The following CDKN2B-AS1 variants were observed in gnomAD, a reference collection of about 807,000 sequenced individuals.
The protein encoded by CDKN2B-AS1 is CDKN2B antisense RNA 1 (non-protein coding).
At chr9:22,119,167 C>A (rs72654269) in intron 4 of CDKN2B-AS1, 22 of 151,006 alleles carry the variant, frequency 1.5e-4, no homozygotes, top group Admixed American at 3.3e-4. Context: ...ATTGTGAGGC[C>A]CAAGTGCAAT....
rs146692729 is a variant in CDKN2B-AS1, at chr9:22,012,213, G to A, written n.29+17052G>A. The A allele has an allele frequency of 2.1e-5, 29 of 1,408,302 alleles. No homozygotes were observed. In the African/African-American group the frequency reaches 3.0e-4, roughly 14 times the overall value. The allele number at this position is 1,408,302 out of a possible 1,614,324, so 87.2% of individuals were successfully genotyped here. On this transcript the variant is annotated intron_variant and non_coding_transcript_variant, in intron 1 of 4. Coordinates refer to ENST00000650946, the Ensembl canonical transcript of CDKN2B-AS1. Reference sequence around the variant, plus strand: ...ACCATCACCCTTGAGGTCGAGCCCAGTGACACCATTGAGAATGTCAGTGCG... The same window carrying A: ...ACCATCACCCTTGAGGTCGAGCCCAATGACACCATTGAGAATGTCAGTGCG...
intron 4 of CDKN2B-AS1, among the ~76,000 whole-genome samples, chr9:22,068,719 A>G (rs1052244692): frequency 2.0e-5 from 3 of 152,192 alleles, no homozygotes; most frequent in African/African-American, 7.2e-5. Context: ...TTCTGAATCT[A>G]TTTGTTTGTT....
chr9:22,123,875 A>G (rs192464282), intron 4 of CDKN2B-AS1, among the ~76,000 whole-genome samples: 8 of 152,314 alleles, frequency 5.3e-5, no homozygotes, highest in Non-Finnish European at 8.8e-5. Flanking sequence ...GGAAAGGACT[A>G]TTTTTGCAAT....
intron 4 of CDKN2B-AS1, among the ~76,000 whole-genome samples, chr9:22,068,212 A>T (rs1451559416): frequency 6.6e-6 from 1 of 152,186 alleles, no homozygotes; most frequent in Non-Finnish European, 1.5e-5. Context: ...ACAACTCCAC[A>T]TACATACATC....
chr9:22,022,064 T>C (rs942922827), intron 1 of CDKN2B-AS1, among the ~76,000 whole-genome samples: 1 of 152,200 alleles, frequency 6.6e-6, no homozygotes, highest in Non-Finnish European at 1.5e-5. Flanking sequence ...TGAGGAGTGT[T>C]TTAATTCCAA....
At position 21,995,282 on chromosome 9, in the gene CDKN2B-AS1, T is replaced by A. The variant is rs940346959; in HGVS notation, n.29+121T>A. The A allele has an allele frequency of 6.6e-6, 1 of 152,216 alleles. No homozygotes were observed. Among genetic ancestry groups the A allele is most frequent in the African/African-American group, 2.4e-5 (1 of 41,456 alleles). The allele number at this position is 152,216 out of a possible 1,614,324, so 9.4% of individuals were successfully genotyped here. ...ACCGAGTCCTTTGTGTCTAGCCCAT[T>A]TTTATTTTCGGTTTTAACCTTCACG... On this transcript the variant is annotated intron_variant and non_coding_transcript_variant, in intron 1 of 4. Transcript: ENST00000650946. This position sits in a 1 kb window ranked among gnomAD's most constrained non-coding sequence, Gnocchi z 5.7.
At chr9:22,011,573 T>G (rs1318983135) in intron 1 of CDKN2B-AS1, among the ~76,000 whole-genome samples, 1 of 151,924 alleles carries the variant, frequency 6.6e-6, no homozygotes, top group Admixed American at 6.6e-5. Context: ...CTACATAGTG[T>G]TTTTTTTAGC....
In CDKN2B-AS1 at chr9:22,005,935, G is replaced by A. The variant is rs368728826; in HGVS notation, n.29+10774G>A. ...TTCATCGAATTAGGTGGGTGGGGGT[G>A]GGAAATTGGGTAAGAAAATAAAGTC... is the stretch of plus-strand genomic sequence containing the variant. On this transcript the variant is annotated intron_variant and non_coding_transcript_variant, in intron 1 of 4. Transcript: ENST00000650946. This position sits in a 1 kb window ranked among gnomAD's most constrained non-coding sequence, Gnocchi z 4.9. 4.4e-5 allele frequency: 70 copies of A among 1,591,864 alleles called. 3 individuals are homozygous for A. The African/African-American group carries it at 5.9e-4, about 13-fold the overall frequency.
intron 1 of CDKN2B-AS1, chr9:22,012,644 A>C: frequency 5.5e-6 from 2 of 363,866 alleles, no homozygotes; most frequent in East Asian, 7.0e-5. Context: ...TATGAATAGA[A>C]CTGGTTGACT....
At chr9:22,014,450 C>G (rs1165831205) in intron 1 of CDKN2B-AS1, among the ~76,000 whole-genome samples, 3 of 152,126 alleles carry the variant, frequency 2.0e-5, no homozygotes, top group Admixed American at 1.3e-4. Flanking sequence ...CAGACATAAG[C>G]CACTGTGCCT....
chr9:22,125,736 A>G (rs1436482302), intron 4 of CDKN2B-AS1, among the ~76,000 whole-genome samples: 1 of 152,226 alleles, frequency 6.6e-6, no homozygotes, highest in African/African-American at 2.4e-5. Context: ...TGTATGCACA[A>G]TTATGTTCAC....
At chr9:22,096,371 G>C (rs1825274735) in intron 4 of CDKN2B-AS1, 1 of 152,130 alleles carries the variant, frequency 6.6e-6, no homozygotes, top group Non-Finnish European at 1.5e-5. Flanking sequence ...CATTGTTCTA[G>C]GTACCAGAGA....
chr9:22,042,075 A>C (rs1379675313), intron 1 of CDKN2B-AS1, among the ~76,000 whole-genome samples: 1 of 152,038 alleles, frequency 6.6e-6, no homozygotes, highest in Non-Finnish European at 1.5e-5. Flanking sequence ...GGACTAGCCC[A>C]GCAGGTTCTA....
intron 4 of CDKN2B-AS1, among the ~76,000 whole-genome samples, chr9:22,108,553 C>T (rs1010299061): frequency 6.6e-6 from 1 of 152,194 alleles, no homozygotes; most frequent in Non-Finnish European, 1.5e-5. Context: ...TTGAGGATCT[C>T]AAACCTAGCT....
intron 4 of CDKN2B-AS1, among the ~76,000 whole-genome samples, chr9:22,071,333 T>C (rs1824285264): frequency 1.5e-5 from 2 of 131,488 alleles, no homozygotes; most frequent in Admixed American, 1.8e-4. Context: ...GGAGTCTTGC[T>C]CTGTTGACCA....
chr9:22,069,357 A>T (rs75836546), intron 4 of CDKN2B-AS1, among the ~76,000 whole-genome samples: 1 of 144,300 alleles, frequency 6.9e-6, no homozygotes, highest in Non-Finnish European at 1.5e-5. Flanking sequence ...TTTCTCGAAT[A>T]ACCACTATAG....
At chr9:22,077,952 T>C (rs1216505636) in intron 4 of CDKN2B-AS1, 4 of 152,192 alleles carry the variant, frequency 2.6e-5, no homozygotes, top group African/African-American at 9.6e-5. Context: ...ATGCTTACCA[T>C]AGACCATAAT....
chr9:22,071,361 G>A (rs1358347637), intron 4 of CDKN2B-AS1, among the ~76,000 whole-genome samples: 1 of 139,656 alleles, frequency 7.2e-6, no homozygotes. Flanking sequence ...GTGCAGTTGC[G>A]CGATCTTGGC....
intron 1 of CDKN2B-AS1, among the ~76,000 whole-genome samples, chr9:22,026,161 C>T (rs938351516): frequency 2.6e-5 from 4 of 152,126 alleles, no homozygotes; most frequent in South Asian, 4.2e-4. Flanking sequence ...TCCCCTTCCA[C>T]CCCTGCTTAA....
Sources: gnomAD v4.1 joint callset for allele counts (sites outside exome capture counted in the v4.1 genomes callset) on GRCh38, gnomAD v4.1.1 for gene constraint, Gnocchi (gnomAD v3.1) non-coding constraint, MANE v1.5 for transcripts, NCBI Gene and HGNC (gene_info 2026-07-23, HGNC 2026-07-21) for gene names.